Variants in NEBL observed in about 807,000 individuals in gnomAD.
The protein encoded by NEBL is nebulette.
In NEBL, 122 loss-of-function variants were observed where a neutral mutation model predicts 140.2. The ratio of observed to expected loss-of-function variants is 0.87; its 90% confidence interval spans 0.75 to 1.01. The LOEUF (loss-of-function observed/expected upper bound fraction) is 1.01, where lower values mean the gene tolerates loss of function less well. NEBL is among the 50% of genes least tolerant of loss of function. The pLI, the probability that NEBL is intolerant of heterozygous loss-of-function variation, is 0.00. For synonymous variants in NEBL, 436 were observed against 398.9 expected, an observed-to-expected ratio of 1.09 and a Z score of -1.11; for missense variants, 1,365 against 1,231.3, an observed-to-expected ratio of 1.11 and a Z score of -1.62.
At chr10:21,247,377 T>C (rs1056556403) in intron 3 of NEBL, among the ~76,000 whole-genome samples, 7 of 152,186 alleles carry the variant, frequency 4.6e-5, no homozygotes, top group Non-Finnish European at 1.0e-4. Flanking sequence ...GTATGATTAT[T>C]TTCACTTGAC....
chr10:21,088,943 G>T (rs779672009), intron 2 of NEBL, among the ~76,000 whole-genome samples: 14 of 152,314 alleles, frequency 9.2e-5, no homozygotes, highest in Non-Finnish European at 1.5e-4. Context: ...ACCACGCGAG[G>T]CAGGAAAGAT....
At chr10:21,007,768 T>C (rs546614701) in intron 3 of NEBL, among the ~76,000 whole-genome samples, 1 of 152,354 alleles carries the variant, frequency 6.6e-6, no homozygotes, top group East Asian at 1.9e-4. Flanking sequence ...TTGAATTACA[T>C]CTGTGCTTGT....
intron 4 of NEBL, among the ~76,000 whole-genome samples, chr10:20,883,349 G>A (rs527846423): frequency 6.6e-6 from 1 of 152,250 alleles, no homozygotes; most frequent in Admixed American, 6.5e-5. Context: ...TTGTTCCAAG[G>A]ATAATTCATC....
At chr10:20,991,640 G>C (rs1837458147) in intron 3 of NEBL, among the ~76,000 whole-genome samples, 1 of 151,032 alleles carries the variant, frequency 6.6e-6, no homozygotes, top group Admixed American at 6.6e-5. Flanking sequence ...TATATTCAGG[G>C]GTACCGGTGC....
intron 1 of NEBL, among the ~76,000 whole-genome samples, chr10:21,277,198 A>G (rs975693828): frequency 4.0e-5 from 6 of 150,262 alleles, no homozygotes; most frequent in Admixed American, 6.6e-5. Context: ...AATGCACCAA[A>G]TATTTCTTTC....
chr10:20,926,632 A>T, intron 4 of NEBL, among the ~76,000 whole-genome samples: 1 of 152,172 alleles, frequency 6.6e-6, no homozygotes, highest in East Asian at 1.9e-4. Flanking sequence ...TCCCTCATTC[A>T]TTGGAATAGC....
At chr10:20,969,544 C>CTTTTTT (rs771623257) in intron 3 of NEBL, among the ~76,000 whole-genome samples, 130 of 115,730 alleles carry the variant, frequency 1.1e-3, no homozygotes, top group Non-Finnish European at 1.6e-3. Flanking sequence ...TTTTTCTTTT[C>CTTTTTT]TTTTTTTTTT....
chr10:21,086,974 C>T (rs1325185707), intron 2 of NEBL, among the ~76,000 whole-genome samples: 1 of 151,908 alleles, frequency 6.6e-6, no homozygotes, highest in Non-Finnish European at 1.5e-5. Flanking sequence ...TGCTCAACTA[C>T]CCATCTACAC....
chr10:20,907,488 A>G (rs1001783179), intron 4 of NEBL, among the ~76,000 whole-genome samples: 41 of 152,316 alleles, frequency 2.7e-4, no homozygotes, highest in African/African-American at 8.7e-4. Flanking sequence ...CTCTATCTAA[A>G]TAGCAAAAAG....
chr10:21,181,096 T>C (rs911402626), intron 3 of NEBL, among the ~76,000 whole-genome samples: 4 of 151,924 alleles, frequency 2.6e-5, no homozygotes, highest in Non-Finnish European at 5.9e-5. Context: ...ACCCCATCTC[T>C]ACTAAAAATA....
At chr10:21,180,534 A>T (rs1841370262) in intron 3 of NEBL, among the ~76,000 whole-genome samples, 1 of 152,202 alleles carries the variant, frequency 6.6e-6, no homozygotes, top group East Asian at 1.9e-4. Context: ...AATTTTGCAC[A>T]GGTAGACACA....
intron 2 of NEBL, among the ~76,000 whole-genome samples, chr10:21,124,900 C>A (rs1838748684): frequency 6.6e-6 from 1 of 152,202 alleles, no homozygotes; most frequent in Non-Finnish European, 1.5e-5. Flanking sequence ...TTTGAGGCTG[C>A]AGTGAGTTAC....
chr10:20,976,785 A>C (rs1435030550), intron 3 of NEBL, among the ~76,000 whole-genome samples: 1 of 152,010 alleles, frequency 6.6e-6, no homozygotes, highest in Non-Finnish European at 1.5e-5. Context: ...GGAGGGAGGG[A>C]GGGAGGCAGG....
intron 3 of NEBL, among the ~76,000 whole-genome samples, chr10:21,189,000 T>G (rs1039632197): frequency 2.6e-5 from 4 of 152,190 alleles, no homozygotes; most frequent in African/African-American, 9.7e-5. Flanking sequence ...TTCTGAAGAT[T>G]TTTTAAATAA....
At chr10:20,798,236 C>A (rs778253926) in intron 26 of NEBL, among the ~76,000 whole-genome samples, 1 of 152,076 alleles carries the variant, frequency 6.6e-6, no homozygotes, top group Non-Finnish European at 1.5e-5. Flanking sequence ...CCACAGATAA[C>A]GGGCAAGCAA....
chr10:20,837,071 C>G (rs1398228220), intron 13 of NEBL, among the ~76,000 whole-genome samples: 1 of 152,098 alleles, frequency 6.6e-6, no homozygotes, highest in Non-Finnish European at 1.5e-5. Context: ...ATTAGTAACC[C>G]TACAATGGCC....
At chr10:20,943,367 A>T (rs1834990461) in intron 4 of NEBL, among the ~76,000 whole-genome samples, 1 of 152,206 alleles carries the variant, frequency 6.6e-6, no homozygotes, top group East Asian at 1.9e-4. Flanking sequence ...GCATGTTCTC[A>T]TTCATAGGTG....
intron 3 of NEBL, among the ~76,000 whole-genome samples, chr10:20,980,891 A>G (rs1345849901): frequency 6.6e-6 from 1 of 152,202 alleles, no homozygotes; most frequent in Non-Finnish European, 1.5e-5. Flanking sequence ...ATATTCTTCC[A>G]AGGCTGGTAA....
intron 2 of NEBL, among the ~76,000 whole-genome samples, chr10:21,050,712 T>G (rs1011281402): frequency 6.6e-6 from 1 of 152,118 alleles, no homozygotes; most frequent in Non-Finnish European, 1.5e-5. Context: ...TTTCAATAAA[T>G]AGATGGGTGG....
Sources: allele counts gnomAD v4.1 joint callset (sites outside exome capture counted in the v4.1 genomes callset), GRCh38; gene constraint gnomAD v4.1.1; transcripts MANE v1.5; gene names NCBI Gene and HGNC (gene_info 2026-07-23, HGNC 2026-07-21).